KLF12: variants seen among roughly 807,000 people sequenced by gnomAD.
KLF12 encodes the protein Krueppel-like factor 12.
Under a neutral mutation model 37.8 loss-of-function variants are expected in KLF12, and 9 were observed. The observed-to-expected ratio is 0.24, with a 90% CI of 0.14 to 0.42. KLF12 has a LOEUF of 0.42. Among genes scored for constraint, KLF12 ranks in the 10% least tolerant of loss-of-function variants. The pLI is 1.00. For synonymous variants in KLF12, 208 were observed against 202.1 expected, an observed-to-expected ratio of 1.03 and a Z score of -0.25; for missense variants, 411 against 516.0, an observed-to-expected ratio of 0.80 and a Z score of 1.97.
chr13:74,239,095 T>G, the KLF12 span, among the ~76,000 whole-genome samples: 20 of 145,672 alleles, frequency 1.4e-4, no homozygotes, highest in South Asian at 7.2e-4. Context: ...TAAATTTCCC[T>G]CTACACACTG....
chr13:73,837,154 T>G (rs1194840466), intron 4 of KLF12, among the ~76,000 whole-genome samples: 1 of 152,172 alleles, frequency 6.6e-6, no homozygotes, highest in Non-Finnish European at 1.5e-5. Flanking sequence ...CTTTAAACTT[T>G]TATTTACTAT....
the KLF12 span, among the ~76,000 whole-genome samples, chr13:74,248,013 T>C: frequency 6.6e-6 from 1 of 152,212 alleles, no homozygotes; most frequent in Non-Finnish European, 1.5e-5. Context: ...CTAATGCTAT[T>C]ATGAACTTAA....
At chr13:74,183,876 A>G in the KLF12 span, among the ~76,000 whole-genome samples, 1 of 152,174 alleles carries the variant, frequency 6.6e-6, no homozygotes, top group Non-Finnish European at 1.5e-5. Flanking sequence ...GACGGAGGTT[A>G]CCAGTCAGCC....
the KLF12 span, among the ~76,000 whole-genome samples, chr13:74,166,223 C>G: frequency 6.6e-6 from 1 of 151,306 alleles, no homozygotes; most frequent in Non-Finnish European, 1.5e-5. Context: ...CCCCGAGTAG[C>G]TGGGACTGCA....
At chr13:73,775,233 A>T (rs533412093) in intron 5 of KLF12, among the ~76,000 whole-genome samples, 1 of 152,178 alleles carries the variant, frequency 6.6e-6, no homozygotes, top group South Asian at 2.1e-4. Context: ...CTCTTTTTTC[A>T]AAGTAAAAAC....
intron 2 of KLF12, among the ~76,000 whole-genome samples, chr13:73,983,831 T>A (rs1397325930): frequency 6.6e-6 from 1 of 151,974 alleles, no homozygotes; most frequent in Non-Finnish European, 1.5e-5. Context: ...AGTAACTGAG[T>A]CAAGTACCAT....
At chr13:74,191,383 A>T in the KLF12 span, among the ~76,000 whole-genome samples, 1 of 152,220 alleles carries the variant, frequency 6.6e-6, no homozygotes, top group African/African-American at 2.4e-5. Flanking sequence ...AAATGCCCAA[A>T]GCCCTGAAAA....
At chr13:73,764,326 A>G (rs1356694694) in intron 6 of KLF12, among the ~76,000 whole-genome samples, 1 of 152,160 alleles carries the variant, frequency 6.6e-6, no homozygotes, top group East Asian at 1.9e-4. Flanking sequence ...TTCGCATGAA[A>G]TATTTGTGAA....
intron 2 of KLF12, among the ~76,000 whole-genome samples, chr13:73,949,544 C>T (rs1890567920): frequency 6.6e-6 from 1 of 152,134 alleles, no homozygotes; most frequent in Non-Finnish European, 1.5e-5. Flanking sequence ...ATTTGCTACC[C>T]AGCTTTTAAA....
intron 1 of KLF12, among the ~76,000 whole-genome samples, chr13:74,116,989 T>A (rs9592970): frequency 0.13 from 19,078 of 152,168 alleles, 1,359 homozygotes; most frequent in South Asian, 0.18. Flanking sequence ...TCTACTCTTA[T>A]CGCAACATAA....
the KLF12 span, among the ~76,000 whole-genome samples, chr13:74,281,198 C>T: frequency 1.3e-5 from 2 of 151,890 alleles, no homozygotes; most frequent in East Asian, 3.9e-4. Context: ...TCTTAAGACA[C>T]CCACACACTA....
intron 3 of KLF12, among the ~76,000 whole-genome samples, chr13:73,912,959 T>A (rs921424029): frequency 6.7e-6 from 1 of 148,810 alleles, no homozygotes; most frequent in Admixed American, 6.8e-5. Flanking sequence ...CATGTTATTA[T>A]CTTTCATAAC....
At chr13:73,777,684 G>A (rs997081605) in intron 5 of KLF12, among the ~76,000 whole-genome samples, 10 of 151,452 alleles carry the variant, frequency 6.6e-5, no homozygotes, top group Non-Finnish European at 1.5e-4. Flanking sequence ...CTCCAGCCTG[G>A]GCAACAAGAA....
chr13:74,249,377 C>CAT, the KLF12 span, among the ~76,000 whole-genome samples: 1 of 140,828 alleles, frequency 7.1e-6, no homozygotes, highest in African/African-American at 2.6e-5. Flanking sequence ...CACACACACA[C>CAT]ACGCACACCC....
chr13:73,815,155 G>A (rs1883146493), intron 4 of KLF12, among the ~76,000 whole-genome samples: 2 of 152,058 alleles, frequency 1.3e-5, no homozygotes, highest in South Asian at 4.1e-4. Context: ...CCAGCTATGA[G>A]ACAAAAAGAC....
the KLF12 span, among the ~76,000 whole-genome samples, chr13:74,248,715 T>C: frequency 6.6e-6 from 1 of 152,106 alleles, no homozygotes; most frequent in Admixed American, 6.5e-5. Context: ...TGGCTGTGTG[T>C]TTCTCTCCAG....
At chr13:74,277,370 T>C in the KLF12 span, among the ~76,000 whole-genome samples, 1 of 152,178 alleles carries the variant, frequency 6.6e-6, no homozygotes, top group Non-Finnish European at 1.5e-5. Flanking sequence ...CCCAACAGGA[T>C]GTGGTTCCTC....
At chr13:74,019,933 G>C (rs1892797748) in intron 1 of KLF12, among the ~76,000 whole-genome samples, 2 of 152,118 alleles carry the variant, frequency 1.3e-5, no homozygotes, top group African/African-American at 4.8e-5. Flanking sequence ...AAAATCTTTA[G>C]GGATCAAATA....
intron 1 of KLF12, among the ~76,000 whole-genome samples, chr13:74,000,551 C>T (rs553398557): frequency 6.6e-6 from 1 of 152,176 alleles, no homozygotes; most frequent in Non-Finnish European, 1.5e-5. Flanking sequence ...TACGCTTCCA[C>T]CCAAGGATTC....
Sources: allele counts gnomAD v4.1 joint callset (sites outside exome capture counted in the v4.1 genomes callset), GRCh38; gene constraint gnomAD v4.1.1; transcripts MANE v1.5; gene names NCBI Gene and HGNC (gene_info 2026-07-23, HGNC 2026-07-21).